ST3GAL3: variants seen among roughly 807,000 people sequenced by gnomAD.
ST3GAL3 encodes ST3 beta-galactoside alpha-2,3-sialyltransferase 3, also known as CMP-N-acetylneuraminate-beta-1,4-galactoside alpha-2,3-sialyltransferase.
Under a neutral mutation model 50.1 loss-of-function variants are expected in ST3GAL3, and 21 were observed. The ratio of observed to expected loss-of-function variants is 0.42; its 90% CI spans 0.30 to 0.60. The LOEUF (loss-of-function observed/expected upper bound fraction) is 0.60, where lower values mean the gene tolerates loss of function less well. Ranked by LOEUF, ST3GAL3 falls within the 20% of genes least tolerant of loss-of-function variation. ST3GAL3 has a pLI of 0.19. For missense variants in ST3GAL3, 353 were observed against 489.4 expected (o/e 0.72, Z 2.63); for synonymous variants, 183 against 190.0 (o/e 0.96, Z 0.30).
chr1:43,880,432 T>A (rs978830008), intron 5 of ST3GAL3, among the ~76,000 whole-genome samples: 2 of 152,102 alleles, frequency 1.3e-5, no homozygotes, highest in Admixed American at 6.5e-5. Flanking sequence ...GGAAAAGATA[T>A]CCTGTCTTCT....
chr1:43,745,513 GACAA>G (rs1338965541), intron 2 of ST3GAL3, among the ~76,000 whole-genome samples: 2 of 152,272 alleles, frequency 1.3e-5, no homozygotes, highest in African/African-American at 4.8e-5. Flanking sequence ...AACAAAAAGA[GACAA>G]ACAGTCATAC....
chr1:43,762,741 T>C (rs1691012130), intron 2 of ST3GAL3, among the ~76,000 whole-genome samples: 2 of 152,068 alleles, frequency 1.3e-5, no homozygotes, highest in East Asian at 1.9e-4. Context: ...AACCCAGAAA[T>C]AATAACTTTG....
intron 4 of ST3GAL3, among the ~76,000 whole-genome samples, chr1:43,823,651 T>A (rs2062403640): frequency 6.6e-6 from 1 of 152,190 alleles, no homozygotes; most frequent in African/African-American, 2.4e-5. Flanking sequence ...TATTTACTTG[T>A]TTATTGTCTG....
chr1:43,919,249 T>C (rs2082630967), intron 9 of ST3GAL3: 1 of 152,084 alleles, frequency 6.6e-6, no homozygotes, highest in South Asian at 2.1e-4. Flanking sequence ...GGCTAATTTT[T>C]TGTATTTTTA....
intron 2 of ST3GAL3, among the ~76,000 whole-genome samples, chr1:43,763,919 C>G (rs981852714): frequency 6.6e-6 from 1 of 152,186 alleles, no homozygotes; most frequent in African/African-American, 2.4e-5. Context: ...AGAGGCATTA[C>G]AACATAGTGG....
intron 5 of ST3GAL3, among the ~76,000 whole-genome samples, chr1:43,864,211 G>T (rs1255795374): frequency 6.6e-6 from 1 of 152,232 alleles, no homozygotes; most frequent in Non-Finnish European, 1.5e-5. Flanking sequence ...CTGGGAGACG[G>T]AGGTTGCAGT....
At chr1:43,869,270 G>T (rs2072061652) in intron 5 of ST3GAL3, among the ~76,000 whole-genome samples, 1 of 152,140 alleles carries the variant, frequency 6.6e-6, no homozygotes. Flanking sequence ...TTCCCCCTGT[G>T]GTCTTAGTTC....
chr1:43,782,207 A>G (rs1699586994), intron 2 of ST3GAL3, among the ~76,000 whole-genome samples: 1 of 152,120 alleles, frequency 6.6e-6, no homozygotes, highest in Admixed American at 6.5e-5. Context: ...ACTCCCTTGT[A>G]TTCTGTGGTA....
At chr1:43,821,097 G>A (rs976612508) in intron 4 of ST3GAL3, among the ~76,000 whole-genome samples, 2 of 152,086 alleles carry the variant, frequency 1.3e-5, no homozygotes, top group South Asian at 2.1e-4. Context: ...TGGAATAAAC[G>A]GAAAATTCTA....
At chr1:43,900,289 T>C (rs1193366288) in intron 9 of ST3GAL3, among the ~76,000 whole-genome samples, 1 of 152,202 alleles carries the variant, frequency 6.6e-6, no homozygotes, top group Non-Finnish European at 1.5e-5. Context: ...TTTGTACTTT[T>C]ACCACTGACT....
At chr1:43,757,346 T>C (rs907516352) in intron 2 of ST3GAL3, among the ~76,000 whole-genome samples, 1 of 152,184 alleles carries the variant, frequency 6.6e-6, no homozygotes, top group African/African-American at 2.4e-5. Flanking sequence ...GATTCAAGAA[T>C]AGTCAAACCA....
At chr1:43,725,343 A>G (rs1424979970) in intron 1 of ST3GAL3, among the ~76,000 whole-genome samples, 3 of 152,156 alleles carry the variant, frequency 2.0e-5, no homozygotes, top group Non-Finnish European at 4.4e-5. Flanking sequence ...AGCTGGGATT[A>G]TAGGCATGCA....
chr1:43,796,546 G>A (rs1271773269), intron 3 of ST3GAL3, among the ~76,000 whole-genome samples: 2 of 152,164 alleles, frequency 1.3e-5, no homozygotes, highest in African/African-American at 4.8e-5. Context: ...TTTGAAAATG[G>A]AACTGATGTT....
chr1:43,846,492 G>A (rs1322240775), intron 5 of ST3GAL3, among the ~76,000 whole-genome samples: 4 of 152,144 alleles, frequency 2.6e-5, no homozygotes, highest in Non-Finnish European at 4.4e-5. Flanking sequence ...AGTAATTGGG[G>A]TTTTTGCAAT....
chr1:43,758,279 C>T (rs998428448), intron 2 of ST3GAL3, among the ~76,000 whole-genome samples: 1 of 151,404 alleles, frequency 6.6e-6, no homozygotes, highest in African/African-American at 2.4e-5. Flanking sequence ...AAGACATGGT[C>T]TTGTTCTGCC....
chr1:43,904,893 TC>T (rs2078956521), intron 9 of ST3GAL3, among the ~76,000 whole-genome samples: 1 of 55,878 alleles, frequency 1.8e-5, no homozygotes, highest in South Asian at 8.1e-4. Context: ...CCGCCACTCT[TC>T]CTCCCCCTCC....
At chr1:43,896,526 C>T (rs1416557949) in intron 6 of ST3GAL3, among the ~76,000 whole-genome samples, 1 of 152,152 alleles carries the variant, frequency 6.6e-6, no homozygotes, top group South Asian at 2.1e-4. Context: ...ATCCTGGCTT[C>T]AGTGTTGGCA....
rs1018093175 is a variant in ST3GAL3, at chr1:43,845,959, T to G, written c.302+7648T>G. On this transcript the variant is annotated intron_variant, in intron 5 of 11. Transcript: ENST00000347631. ...TTTGTGGGTGTTCCAGATATCTTTG[T>G]GTTATAGATTTCTGATTTATTTTTG... Among the ~76,000 whole-genome samples, 6 of 152,338 alleles carry G rather than the reference T, an allele frequency of 3.9e-5. No individual in the cohort carries two copies. In the East Asian group the frequency reaches 1.2e-3, roughly 29 times the overall value.
chr1:43,828,151 GA>G (rs764341221), intron 4 of ST3GAL3, among the ~76,000 whole-genome samples: 58 of 152,206 alleles, frequency 3.8e-4, no homozygotes, highest in South Asian at 1.0e-3. Context: ...CAATTCAATG[GA>G]AAAAGGATAA....
Sources: allele counts gnomAD v4.1 joint callset (sites outside exome capture counted in the v4.1 genomes callset), GRCh38; gene constraint gnomAD v4.1.1; transcripts MANE v1.5; gene names NCBI Gene and HGNC (gene_info 2026-07-23, HGNC 2026-07-21).